GRIN3A: variants seen among roughly 807,000 people sequenced by gnomAD.
GRIN3A encodes glutamate receptor ionotropic, NMDA 3A.
Under a neutral mutation model 92.4 loss-of-function variants are expected in GRIN3A, and 47 were observed. The ratio of observed to expected loss-of-function variants is 0.51; its 90% confidence interval spans 0.40 to 0.65. The LOEUF (loss-of-function observed/expected upper bound fraction) is 0.65. Among genes scored for constraint, GRIN3A ranks in the 30% least tolerant of loss-of-function variants. The pLI is 0.00. For missense variants in GRIN3A, 1,324 were observed against 1,393.1 expected, an observed-to-expected ratio of 0.95 and a Z score of 0.79; for synonymous variants, 527 against 540.6, an observed-to-expected ratio of 0.97 and a Z score of 0.35.
chr9:101,729,759 T>G (rs1017960519), intron 1 of GRIN3A, among the ~76,000 whole-genome samples: 17 of 152,178 alleles, frequency 1.1e-4, no homozygotes, highest in African/African-American at 4.1e-4. Flanking sequence ...TAAGCTCATA[T>G]CTGTTGTCCT....
intron 6 of GRIN3A, among the ~76,000 whole-genome samples, chr9:101,612,571 C>T (rs939823336): frequency 1.3e-5 from 2 of 151,940 alleles, no homozygotes; most frequent in Non-Finnish European, 2.9e-5. Flanking sequence ...CTACTTGAAA[C>T]CATTATTATT....
chr9:101,658,693 G>A (rs1021023606), intron 3 of GRIN3A, among the ~76,000 whole-genome samples: 1 of 151,814 alleles, frequency 6.6e-6, no homozygotes, highest in African/African-American at 2.4e-5. Context: ...AAAATATTCT[G>A]AAAGTAAGCT....
intron 1 of GRIN3A, among the ~76,000 whole-genome samples, chr9:101,733,908 A>T (rs1428343448): frequency 6.6e-6 from 1 of 152,054 alleles, no homozygotes; most frequent in Non-Finnish European, 1.5e-5. Context: ...TATGTCACCC[A>T]GGGTAGTCTG....
chr9:101,645,710 TA>T (rs1391566121), intron 3 of GRIN3A, among the ~76,000 whole-genome samples: 1 of 148,036 alleles, frequency 6.8e-6, no homozygotes, highest in East Asian at 2.0e-4. Context: ...AAAATATATA[TA>T]TTAAATGTTA....
At chr9:101,573,645 G>T (rs1827790499) in intron 8 of GRIN3A, 132 bp from the exon 9 acceptor site, 9 of 745,482 alleles carry the variant, frequency 1.2e-5, no homozygotes, top group South Asian at 1.2e-4. Flanking sequence ...ACAAAGCCAT[G>T]GACAGACTAC....
At chr9:101,671,220 A>C in intron 2 of GRIN3A, 113 bp from the exon 3 acceptor site, 1 of 780,582 alleles carries the variant, frequency 1.3e-6, no homozygotes, top group African/African-American at 1.7e-5. Context: ...ATTTTTATTT[A>C]AAAAGACAGT....
chr9:101,623,313 A>G lies in GRIN3A; in HGVS notation c.2614+5T>C. On this transcript the variant is annotated splice_donor_5th_base_variant and intron_variant, in intron 5 of 8. Coordinates refer to ENST00000361820, the MANE Select transcript of GRIN3A (RefSeq NM_133445.3). ...AAAAGTGAATCAAGAGTGACTGATT[A>G]ATACCTTCTATGGCAAATGGCTTCC... 6.3e-7 allele frequency: 1 copy of G among 1,582,562 alleles called. No individual in the cohort carries two copies. Among genetic ancestry groups the G allele is most frequent in the Non-Finnish European group, 8.7e-7 (1 of 1,151,252 alleles).
At chr9:101,584,335 T>C (rs1481026150) in intron 6 of GRIN3A, among the ~76,000 whole-genome samples, 1 of 152,248 alleles carries the variant, frequency 6.6e-6, no homozygotes, top group African/African-American at 2.4e-5. Context: ...TTATGTTTCT[T>C]TAGCATTTTA....
At chr9:101,718,275 G>T (rs1351256276) in intron 1 of GRIN3A, among the ~76,000 whole-genome samples, 2 of 152,192 alleles carry the variant, frequency 1.3e-5, no homozygotes, top group South Asian at 4.1e-4. Flanking sequence ...AAAGATGACC[G>T]TAGAAAAGTC....
chr9:101,714,163 G>T (rs1236761670), intron 1 of GRIN3A, among the ~76,000 whole-genome samples: 1 of 152,108 alleles, frequency 6.6e-6, no homozygotes, highest in African/African-American at 2.4e-5. Flanking sequence ...ATTTACTTTA[G>T]AAGCCAAAAG....
chr9:101,707,938 G>A (rs183620788), intron 1 of GRIN3A, among the ~76,000 whole-genome samples: 5 of 152,156 alleles, frequency 3.3e-5, no homozygotes, highest in East Asian at 3.9e-4. Flanking sequence ...GTTCTTTGGC[G>A]AGGCTTTCCT....
chr9:101,663,957 A>G (rs1829207868), intron 3 of GRIN3A, among the ~76,000 whole-genome samples: 1 of 151,802 alleles, frequency 6.6e-6, no homozygotes, highest in Admixed American at 6.6e-5. Context: ...GCAAATAGCT[A>G]ATTTTGAGTG....
chr9:101,577,737 A>T (rs1268691423), intron 8 of GRIN3A, 31 bp downstream of exon 8: 1 of 1,471,932 alleles, frequency 6.8e-7, no homozygotes, highest in Non-Finnish European at 9.5e-7. Flanking sequence ...TTTTACAAAT[A>T]TAAAGACAGT....
At position 101,579,178 on chromosome 9, in the gene GRIN3A, G is replaced by T; in HGVS notation, c.2931+18C>A. On this transcript the variant is annotated intron_variant, in intron 7 of 8. Transcript: ENST00000361820. ...GTACAGTTTAAGAATATTGGAGCAA[G>T]ACACCTGTGGCACTCACCTGGCTGG... The T allele has an allele frequency of 6.2e-7, 1 of 1,612,996 alleles. No individual in the cohort carries two copies. Among genetic ancestry groups the T allele is most frequent in the Non-Finnish European group, 8.5e-7 (1 of 1,179,338 alleles).
intron 3 of GRIN3A, among the ~76,000 whole-genome samples, chr9:101,640,362 C>A (rs1428083339): frequency 2.6e-5 from 4 of 152,182 alleles, no homozygotes; most frequent in Admixed American, 6.5e-5. Flanking sequence ...AAAAAAGACA[C>A]TTTCCTTCTT....
At chr9:101,666,119 C>T (rs1211156063) in intron 3 of GRIN3A, among the ~76,000 whole-genome samples, 3 of 151,916 alleles carry the variant, frequency 2.0e-5, no homozygotes, top group Non-Finnish European at 4.4e-5. Context: ...TATACACCAA[C>T]ATCCTGGGAC....
chr9:101,716,704 C>A (rs7846854), intron 1 of GRIN3A, among the ~76,000 whole-genome samples: 1 of 152,160 alleles, frequency 6.6e-6, no homozygotes, highest in Non-Finnish European at 1.5e-5. Flanking sequence ...GGCAGTGAGG[C>A]GTTTCTGGCT....
chr9:101,705,447 C>G (rs1218971469), intron 1 of GRIN3A, among the ~76,000 whole-genome samples: 2 of 152,154 alleles, frequency 1.3e-5, no homozygotes, highest in African/African-American at 4.8e-5. Context: ...ACATTTACTG[C>G]TCAATAAAGT....
intron 3 of GRIN3A, among the ~76,000 whole-genome samples, chr9:101,662,612 A>G (rs1256145396): frequency 6.6e-6 from 1 of 151,620 alleles, no homozygotes; most frequent in Admixed American, 6.6e-5. Flanking sequence ...TTATATGTAA[A>G]TATACTAATA....
Sources: allele counts gnomAD v4.1 joint callset (sites outside exome capture counted in the v4.1 genomes callset), GRCh38; gene constraint gnomAD v4.1.1; transcripts MANE v1.5; gene names NCBI Gene and HGNC (gene_info 2026-07-23, HGNC 2026-07-21).